The following RASSF6 variants were observed in gnomAD, a reference collection of about 807,000 sequenced individuals.
RASSF6 encodes the protein ras association domain-containing protein 6.
In RASSF6, 52 loss-of-function variants were observed where a neutral mutation model predicts 44.0. The observed-to-expected ratio is 1.18, with a 90% CI of 0.95 to 1.49. The LOEUF (loss-of-function observed/expected upper bound fraction) is 1.49, where lower values mean the gene tolerates loss of function less well. RASSF6 is among the 40% of genes most tolerant of loss of function. RASSF6 has a pLI of 0.00. For missense variants in RASSF6, 464 were observed against 393.3 expected, an observed-to-expected ratio of 1.18 and a Z score of -1.52; for synonymous variants, 162 against 124.6, an observed-to-expected ratio of 1.30 and a Z score of -2.00.
At chr4:73,612,494 TTAAAA>T (rs748895950) in intron 1 of RASSF6, among the ~76,000 whole-genome samples, 229 of 9,880 alleles carry the variant, frequency 0.023, 1 homozygote, top group Admixed American at 0.026. Context: ...TTTTTTTTTT[TTAAAA>T]AAAAAAACGT....
rs1288879054 is a variant in RASSF6 at position 73,572,876 on chromosome 4, GC to G, written c.*3358del. Reference sequence around the variant, plus strand: ...CTCATAATTCTACAATGCAGATATAGCCATTTTTAACATGTTTTTATTTCTT... The same window carrying G: ...CTCATAATTCTACAATGCAGATATAGCATTTTTAACATGTTTTTATTTCTT... On this transcript the variant is annotated 3_prime_UTR_variant, in exon 11 of 11. Coordinates refer to ENST00000307439, the MANE Select transcript of RASSF6 (RefSeq NM_177532.5). 24 of 151,998 alleles carry G rather than the reference GC, an allele frequency of 1.6e-4. No individual in the cohort carries two copies. Among genetic ancestry groups the G allele is most frequent in the African/African-American group, 4.3e-4 (18 of 41,400 alleles). The allele number at this position is 151,998 out of a possible 1,614,324, so 9.4% of individuals were successfully genotyped here. A position where few individuals can be genotyped will look rare whatever the true frequency, so the allele number is the denominator to read the frequency against.
chr4:73,597,865 A>G (rs1383639804), intron 3 of RASSF6, among the ~76,000 whole-genome samples: 31 of 152,216 alleles, frequency 2.0e-4, no homozygotes, highest in Admixed American at 2.0e-3. Flanking sequence ...TGATGCAGGT[A>G]TAGAAAACCT....
chr4:73,588,207 A>G (rs1380446979), intron 4 of RASSF6, among the ~76,000 whole-genome samples: 1 of 152,080 alleles, frequency 6.6e-6, no homozygotes, highest in African/African-American at 2.4e-5. Flanking sequence ...TAGATTCTGT[A>G]AAACATATGT....
At position 73,582,230 on chromosome 4, in the gene RASSF6, T is replaced by C; in HGVS notation, c.628A>G (p.Arg210Gly). Residue 210 changes from arginine (R) to glycine (G), a missense_variant, in exon 7 of 11, where the codon AGA becomes GGA. Arg to Gly is a moderately radical substitution (Grantham distance 125). Transcript: ENST00000307439. Reference protein sequence around the residue: ...ETKVRVNSNMRTEEVIKQLLQ... With the variant: ...ETKVRVNSNMGTEEVIKQLLQ... ...AGTTGCTTTATTACTTCTTCAGTTCTCATGTTACTGTTTACTCTGACCTTA... is the reference window on the plus strand; with the variant it reads ...AGTTGCTTTATTACTTCTTCAGTTCCCATGTTACTGTTTACTCTGACCTTA... The C allele has an allele frequency of 6.3e-7, 1 of 1,597,450 alleles. No homozygotes were observed. The highest frequency in any genetic ancestry group is 1.1e-5 in the South Asian group (1 of 88,754).
At chr4:73,590,100 A>T (rs1724420973) in intron 4 of RASSF6, among the ~76,000 whole-genome samples, 1 of 152,252 alleles carries the variant, frequency 6.6e-6, no homozygotes, top group African/African-American at 2.4e-5. Flanking sequence ...GTTATGAAAG[A>T]TTTCCAAAAC....
At chr4:73,581,409 G>T (rs896662601) in intron 8 of RASSF6, among the ~76,000 whole-genome samples, 2 of 152,106 alleles carry the variant, frequency 1.3e-5, no homozygotes, top group Non-Finnish European at 2.9e-5. Flanking sequence ...GTCAGACCCT[G>T]TGCTAAAAAA....
intron 5 of RASSF6, among the ~76,000 whole-genome samples, chr4:73,586,139 T>C (rs2149372058): frequency 6.6e-6 from 1 of 151,884 alleles, no homozygotes; most frequent in East Asian, 1.9e-4. Flanking sequence ...CCATCTTTTA[T>C]AAAAGCAAAA....
At chr4:73,596,876 G>A (rs1270550803) in intron 3 of RASSF6, among the ~76,000 whole-genome samples, 7 of 152,046 alleles carry the variant, frequency 4.6e-5, no homozygotes, top group Non-Finnish European at 8.8e-5. Context: ...GAGGGGAAAG[G>A]ATTCCCTAGT....
chr4:73,590,795 G>C (rs919550754), intron 4 of RASSF6, among the ~76,000 whole-genome samples: 2 of 152,196 alleles, frequency 1.3e-5, no homozygotes, highest in Admixed American at 6.5e-5. Flanking sequence ...ATGTTCTACA[G>C]TTAATCTTGT....
chr4:73,595,264 A>G (rs756926933), intron 3 of RASSF6, among the ~76,000 whole-genome samples: 29 of 152,128 alleles, frequency 1.9e-4, no homozygotes, highest in Non-Finnish European at 3.5e-4. Flanking sequence ...GTGTGATCTC[A>G]GCTTACTGCA....
At position 73,615,990 on chromosome 4, in the gene RASSF6, C is replaced by T. The variant is rs939534470; in HGVS notation, c.-34-4161G>A. ...TCATTTAAAGTAACTTCCTGTTATC[C>T]AACCATGAGTTAATTAAATGGTTAC... On this transcript the variant is annotated intron_variant, in intron 1 of 10. Transcript: ENST00000307439. 9 of 1,454,988 alleles carry T rather than the reference C, an allele frequency of 6.2e-6. No homozygotes were observed. In the Admixed American group the frequency reaches 1.8e-4, roughly 29 times the overall value. 90.1% of individuals were successfully genotyped at this position (1,454,988 alleles called of 1,614,324 possible).
Position 73,598,747 on chromosome 4 carries a change from C to A in RASSF6, c.66-29G>T, listed in dbSNP as rs560408727. The A allele has an allele frequency of 5.4e-4, 551 of 1,018,516 alleles. 8 individuals carry two copies. The South Asian group carries it at 7.8e-3, about 14-fold the overall frequency. 63.1% of individuals were successfully genotyped at this position (1,018,516 alleles called of 1,614,324 possible). A position where few individuals can be genotyped will look rare whatever the true frequency, so the allele number is the denominator to read the frequency against. On this transcript the variant is annotated intron_variant, in intron 2 of 10. Transcript: ENST00000307439. ...AAAATAAAAAAAAATTAATTACAAT[C>A]AGTCTTAGAGTTTTTAACGTAAAAG...
chr4:73,616,738 T>C (rs1384993696), intron 1 of RASSF6, among the ~76,000 whole-genome samples: 1 of 152,200 alleles, frequency 6.6e-6, no homozygotes, highest in Non-Finnish European at 1.5e-5. Flanking sequence ...ATTTCAATTA[T>C]GAGATAAGAG....
chr4:73,620,242 C>T, intron 1 of RASSF6, 46 bp downstream of exon 1: 1 of 1,278,190 alleles, frequency 7.8e-7, no homozygotes, highest in East Asian at 2.9e-5. Flanking sequence ...CAACATGACC[C>T]CAGGGAGTGG....
chr4:73,576,174 T>TTCA lies in RASSF6; in HGVS notation c.*58_*60dup. ...TAAATGCAAGTACAGAACTTATGCA[T>TTCA]TCATCAAAGAGTAATATCTCTGAGT... On this transcript the variant is annotated 3_prime_UTR_variant, in exon 11 of 11. Coordinates refer to ENST00000307439, the MANE Select transcript of RASSF6 (RefSeq NM_177532.5). The TTCA allele has an allele frequency of 1.1e-6, 1 of 886,658 alleles. No individual in the cohort carries two copies. The highest frequency in any genetic ancestry group is 1.8e-6 in the Non-Finnish European group (1 of 559,370). The allele number at this position is 886,658 out of a possible 1,614,324, so 54.9% of individuals were successfully genotyped here. A position where few individuals can be genotyped will look rare whatever the true frequency, so the allele number is the denominator to read the frequency against.
At chr4:73,576,759 A>C in intron 8 of RASSF6, 28 bp from the exon 9 acceptor site, 2 of 1,280,656 alleles carry the variant, frequency 1.6e-6, no homozygotes, top group East Asian at 2.4e-5. Flanking sequence ...ATCAACCACA[A>C]TCAGAAGTTC....
intron 4 of RASSF6, among the ~76,000 whole-genome samples, chr4:73,591,924 A>T (rs891631410): frequency 2.6e-5 from 4 of 152,024 alleles, no homozygotes; most frequent in African/African-American, 9.7e-5. Context: ...TGCACTATAG[A>T]CAAGGAGATA....
At chr4:73,583,060 A>G (rs892369892) in intron 6 of RASSF6, among the ~76,000 whole-genome samples, 1 of 152,150 alleles carries the variant, frequency 6.6e-6, no homozygotes, top group Non-Finnish European at 1.5e-5. Context: ...TAAGGTGAAT[A>G]TGATATGTTG....
At chr4:73,588,396 C>T (rs530604074) in intron 4 of RASSF6, among the ~76,000 whole-genome samples, 37 of 152,014 alleles carry the variant, frequency 2.4e-4, no homozygotes, top group African/African-American at 8.2e-4. Context: ...TAGTGCCTAT[C>T]GTTTAAGGCC....
Sources: allele counts gnomAD v4.1 joint callset (sites outside exome capture counted in the v4.1 genomes callset), GRCh38; gene constraint gnomAD v4.1.1; transcripts MANE v1.5; gene names NCBI Gene and HGNC (gene_info 2026-07-23, HGNC 2026-07-21).